Variants in PLCL2 observed in about 807,000 individuals in gnomAD.
PLCL2 encodes inactive phospholipase C-like protein 2.
A neutral mutation model predicts 79.6 loss-of-function variants in PLCL2; 4 were observed. The observed-to-expected ratio is 0.05, with a 90% CI of 0.02 to 0.11. PLCL2 has a LOEUF of 0.11. Ranked by LOEUF, PLCL2 falls within the 10% of genes least tolerant of loss-of-function variation. The probability of loss-of-function intolerance (pLI) is 1.00; values close to 1 mark genes in which losing one functional copy is unlikely to be tolerated. For missense variants in PLCL2, 895 were observed against 1,291.0 expected (o/e 0.69, Z 4.70); for synonymous variants, 484 against 457.7 (o/e 1.06, Z -0.73).
chr3:17,062,588 T>C (rs1244535972), intron 4 of PLCL2, among the ~76,000 whole-genome samples: 1 of 152,216 alleles, frequency 6.6e-6, no homozygotes, highest in Non-Finnish European at 1.5e-5. Flanking sequence ...TTTGAGACTT[T>C]TATAGTGCCA....
intron 1 of PLCL2, among the ~76,000 whole-genome samples, chr3:17,007,694 G>C (rs1032834709): frequency 1.4e-4 from 22 of 152,162 alleles, no homozygotes; most frequent in Admixed American, 4.6e-4. Flanking sequence ...AGTAAAAGTG[G>C]TTTTAAATTT....
intron 1 of PLCL2, among the ~76,000 whole-genome samples, chr3:16,934,059 T>A (rs1007801353): frequency 1.3e-5 from 2 of 152,136 alleles, no homozygotes; most frequent in African/African-American, 2.4e-5. Flanking sequence ...AGAGTGAGAC[T>A]GTCTCAAAAA....
At chr3:17,021,470 C>T (rs993539254) in intron 3 of PLCL2, among the ~76,000 whole-genome samples, 1 of 152,094 alleles carries the variant, frequency 6.6e-6, no homozygotes, top group African/African-American at 2.4e-5. Flanking sequence ...ATTGAGAAAC[C>T]TTTGGGAGAT....
chr3:17,009,751 T>C lies in PLCL2; in HGVS notation c.405T>C (p.Ser135=). ...SSMPTEKKIS[S]ASDCINSMVE... ...TGCCAACAGAGAAGAAGATCAGCAG[T>C]GCAAGTGATTGTATTAATTCAATGG... Residue 135 remains serine, a synonymous_variant, in exon 2 of 6, where the codon AGT becomes AGC. Transcript: ENST00000615277. This position sits in a 1 kb window ranked among gnomAD's most constrained non-coding sequence, Gnocchi z 4.0. 2 of 1,613,608 alleles carry C rather than the reference T, an allele frequency of 1.2e-6. No individual in the cohort carries two copies. The highest frequency in any genetic ancestry group is 2.2e-5 in the South Asian group (2 of 91,080).
chr3:16,923,297 A>G (rs1298656684), intron 1 of PLCL2, among the ~76,000 whole-genome samples: 4 of 152,212 alleles, frequency 2.6e-5, no homozygotes, highest in African/African-American at 9.6e-5. Context: ...GCTGGAGGGC[A>G]GGTATCACAT....
intron 4 of PLCL2, among the ~76,000 whole-genome samples, chr3:17,067,395 A>G (rs1272154941): frequency 6.6e-6 from 1 of 152,214 alleles, no homozygotes; most frequent in Non-Finnish European, 1.5e-5. Context: ...GAACAGCAGT[A>G]GGGATTATTT....
chr3:17,089,879 ACCCG>A lies in PLCL2; in HGVS notation c.3352_3355del (p.Pro1118LysfsTer21). On this transcript the variant is annotated frameshift_variant, in exon 6 of 6. Coordinates refer to ENST00000615277, the MANE Select transcript of PLCL2 (RefSeq NM_001144382.2). LOFTEE classifies it high-confidence loss of function. ...AGCCACGCCGGAGCTTGGAAGTCAT[ACCCG>A]AAAAAGCAAACGATGAAACTGGAGA... 1 of 1,613,424 alleles carries A rather than the reference ACCCG, an allele frequency of 6.2e-7. No individual in the cohort carries two copies. The highest frequency in any genetic ancestry group is 8.5e-7 in the Non-Finnish European group (1 of 1,179,820).
chr3:16,971,203 GTT>G (rs1178207575), intron 1 of PLCL2, among the ~76,000 whole-genome samples: 1 of 151,532 alleles, frequency 6.6e-6, no homozygotes, highest in Admixed American at 6.6e-5. Context: ...TAGGTCTAAT[GTT>G]TAAGTCTTTA....
chr3:17,045,956 C>T (rs569931394), intron 4 of PLCL2, among the ~76,000 whole-genome samples: 5 of 152,100 alleles, frequency 3.3e-5, no homozygotes, highest in Middle Eastern at 3.4e-3. Flanking sequence ...GAAGTGAAAG[C>T]GGGGATTCAA....
At chr3:16,945,194 A>C (rs2063588924) in intron 1 of PLCL2, among the ~76,000 whole-genome samples, 1 of 152,004 alleles carries the variant, frequency 6.6e-6, no homozygotes, top group Admixed American at 6.6e-5. Flanking sequence ...TCTTCTCAGC[A>C]AGGCTTTACC....
chr3:17,011,973 T>C lies in PLCL2; in HGVS notation c.2627T>C (p.Val876Ala), dbSNP rs1256026437. Residue 876 changes from valine to alanine, a missense_variant, in exon 2 of 6, where the codon GTC becomes GCC. Physicochemically the swap from Val to Ala is moderately conservative, Grantham distance 64 (BLOSUM62 0). This residue lies in a region of PLCL2 where 298 missense variants were observed against 459.6 expected (regional missense o/e 0.65). Coordinates refer to ENST00000615277, the MANE Select transcript of PLCL2 (RefSeq NM_001144382.2). The surrounding 1 kb of genome is among the most constrained non-coding windows in gnomAD (Gnocchi z 7.9). ...GEVLAHASLF[V>A]HVAITNRRGG... ...GTCCTTGCACATGCTTCTTTATTTG[T>C]CCACGTGGCTATTACTAACCGAAGA... The C allele has an allele frequency of 6.2e-7, 1 of 1,614,166 alleles. No homozygotes were observed. The highest frequency in any genetic ancestry group is 1.1e-5 in the South Asian group (1 of 91,082).
chr3:16,941,602 G>T (rs1203261114), intron 1 of PLCL2, among the ~76,000 whole-genome samples: 1 of 152,140 alleles, frequency 6.6e-6, no homozygotes, highest in Non-Finnish European at 1.5e-5. Flanking sequence ...TCATGATGTT[G>T]ACTCTGCCTG....
chr3:17,080,409 G>A (rs1441987153), intron 5 of PLCL2, among the ~76,000 whole-genome samples: 1 of 152,112 alleles, frequency 6.6e-6, no homozygotes, highest in Non-Finnish European at 1.5e-5. Context: ...ATAATAATGA[G>A]AGGCGATTTA....
At chr3:16,937,687 A>C (rs1301827460) in intron 1 of PLCL2, among the ~76,000 whole-genome samples, 1 of 152,212 alleles carries the variant, frequency 6.6e-6, no homozygotes, top group East Asian at 1.9e-4. Flanking sequence ...ACTTGACTAC[A>C]TATTTTAATG....
At chr3:16,908,645 A>G (rs1467753211) in intron 1 of PLCL2, among the ~76,000 whole-genome samples, 1 of 152,176 alleles carries the variant, frequency 6.6e-6, no homozygotes, top group Non-Finnish European at 1.5e-5. Context: ...AGGGAACAGC[A>G]TAAGCCGGGA....
intron 1 of PLCL2, among the ~76,000 whole-genome samples, chr3:16,910,660 C>T (rs953304808): frequency 2.6e-5 from 4 of 152,092 alleles, no homozygotes; most frequent in African/African-American, 9.7e-5. Flanking sequence ...ATATACATCT[C>T]TACCCCGACT....
chr3:16,901,258 G>A (rs1696612552), intron 1 of PLCL2, among the ~76,000 whole-genome samples: 1 of 152,150 alleles, frequency 6.6e-6, no homozygotes, highest in Admixed American at 6.5e-5. Context: ...TACATGGAAG[G>A]GGCTGCTCCT....
chr3:16,924,866 T>G (rs1697207824), intron 1 of PLCL2, among the ~76,000 whole-genome samples: 1 of 152,164 alleles, frequency 6.6e-6, no homozygotes. Context: ...AGGTCAGGAT[T>G]TTAGATTTTA....
chr3:16,927,967 C>CG (rs1463032337), intron 1 of PLCL2, among the ~76,000 whole-genome samples: 9 of 152,334 alleles, frequency 5.9e-5, no homozygotes, highest in African/African-American at 1.9e-4. Context: ...GACAGCAGCC[C>CG]GTTTTTCAAA....
Sources: allele counts gnomAD v4.1 joint callset (sites outside exome capture counted in the v4.1 genomes callset), GRCh38; gene constraint gnomAD v4.1.1; regional missense constraint gnomAD v4.1.1; non-coding constraint Gnocchi (gnomAD v3.1); transcripts MANE v1.5; gene names NCBI Gene and HGNC (gene_info 2026-07-23, HGNC 2026-07-21).